The following ADGRB1 variants were observed in gnomAD, a reference collection of about 807,000 sequenced individuals.
ADGRB1 encodes adhesion G protein-coupled receptor B1, also known as brain-specific angiogenesis inhibitor 1.
Under a neutral mutation model 175.7 loss-of-function variants are expected in ADGRB1, and 36 were observed. The ratio of observed to expected loss-of-function variants is 0.20; its 90% CI spans 0.16 to 0.27. The LOEUF is 0.27. Among genes scored for constraint, ADGRB1 ranks in the 10% least tolerant of loss-of-function variants. The pLI, the probability that ADGRB1 is intolerant of heterozygous loss-of-function variation, is 1.00. For missense variants in ADGRB1, 1,731 were observed against 2,255.3 expected, an observed-to-expected ratio of 0.77 and a Z score of 4.71; for synonymous variants, 1,054 against 979.4, an observed-to-expected ratio of 1.08 and a Z score of -1.42.
chr8:142,500,923 G>A (rs190729850), intron 17 of ADGRB1, among the ~76,000 whole-genome samples: 1 of 152,296 alleles, frequency 6.6e-6, no homozygotes, highest in Admixed American at 6.5e-5. Flanking sequence ...ACAGGCAGTG[G>A]TGATGGCGTG....
In ADGRB1 at chr8:142,479,677, C is replaced by A; in HGVS notation, c.1727-16C>A. 2.5e-6 allele frequency: 4 copies of A among 1,610,568 alleles called. No homozygotes were observed. Among genetic ancestry groups the A allele is most frequent in the Non-Finnish European group, 3.4e-6 (4 of 1,177,616 alleles). ...CAGTACCCCTTCCTGAACCCCTGTC[C>A]CGGGCCCCTTGGCAGAGCCCCATGA... is the stretch of plus-strand genomic sequence containing the variant. On this transcript the variant is annotated splice_polypyrimidine_tract_variant and intron_variant, in intron 8 of 30. Transcript: ENST00000517894.
chr8:142,495,058 A>G (rs973536581), intron 17 of ADGRB1, among the ~76,000 whole-genome samples: 3 of 152,194 alleles, frequency 2.0e-5, no homozygotes, highest in Non-Finnish European at 4.4e-5. Context: ...GCCCTGACCC[A>G]GTGAGAATCA....
At chr8:142,465,258 G>A (rs962135402) in intron 2 of ADGRB1, among the ~76,000 whole-genome samples, 1 of 152,196 alleles carries the variant, frequency 6.6e-6, no homozygotes, top group African/African-American at 2.4e-5. Flanking sequence ...AGGTGTGCAG[G>A]GCCAGCCCGG....
chr8:142,461,184 G>A (rs912499403), intron 1 of ADGRB1, among the ~76,000 whole-genome samples: 1 of 152,204 alleles, frequency 6.6e-6, no homozygotes, highest in Non-Finnish European at 1.5e-5. Context: ...GCGGTGACCC[G>A]CAGGCCTGAG....
At chr8:142,508,708 G>A (rs1842947783) in intron 17 of ADGRB1, among the ~76,000 whole-genome samples, 1 of 152,244 alleles carries the variant, frequency 6.6e-6, no homozygotes, top group African/African-American at 2.4e-5. Flanking sequence ...GTGGGCTGAG[G>A]CCCCTGGCAC....
At chr8:142,495,756 G>GTATC (rs1281367817) in intron 17 of ADGRB1, among the ~76,000 whole-genome samples, 1 of 152,106 alleles carries the variant, frequency 6.6e-6, no homozygotes, top group Non-Finnish European at 1.5e-5. Context: ...ACCCAGTGTG[G>GTATC]TATCAGTCAA....
chr8:142,490,812 A>T lies in ADGRB1; in HGVS notation c.2672A>T (p.Asp891Val). The T allele has an allele frequency of 6.3e-7, 1 of 1,582,864 alleles. No individual in the cohort carries two copies. The highest frequency in any genetic ancestry group is 8.6e-7 in the Non-Finnish European group (1 of 1,164,170). The change falls in exon 17 of 31, where the codon GAT (aspartate) becomes GTT (valine). Residue 891 changes from aspartate (D) to valine (V), a missense_variant. Transcript: ENST00000517894. ...ACCTGTATCCTGTGGGATGAGACGGATGTGTAAGTTCACTTGGATTTCATG... is the reference window on the plus strand; with the variant it reads ...ACCTGTATCCTGTGGGATGAGACGGTTGTGTAAGTTCACTTGGATTTCATG... ...NQTCILWDET[D>V]VPSSSAPPQL...
intron 24 of ADGRB1, among the ~76,000 whole-genome samples, chr8:142,529,073 G>T (rs1040137173): frequency 1.3e-5 from 2 of 152,380 alleles, no homozygotes; most frequent in African/African-American, 4.8e-5. Flanking sequence ...CTGGGCAGGG[G>T]TCTGCACCCA....
intron 21 of ADGRB1, 29 bp downstream of exon 21, chr8:142,522,144 G>A: frequency 6.3e-7 from 1 of 1,597,238 alleles, no homozygotes; most frequent in South Asian, 1.1e-5. Flanking sequence ...GACCCTCCTG[G>A]ACAGATACCC....
intron 1 of ADGRB1, among the ~76,000 whole-genome samples, chr8:142,451,402 G>GC (rs933104376): frequency 2.0e-5 from 3 of 152,170 alleles, no homozygotes; most frequent in Non-Finnish European, 4.4e-5. Flanking sequence ...GACCCGAAGA[G>GC]CCCTAAGCCA....
At chr8:142,523,516 G>A (rs1307990581) in intron 22 of ADGRB1, among the ~76,000 whole-genome samples, 1 of 152,040 alleles carries the variant, frequency 6.6e-6, no homozygotes, top group Non-Finnish European at 1.5e-5. Context: ...TGAGGGCCCA[G>A]GGGGTGAGTG....
chr8:142,509,494 C>T (rs948451278), intron 17 of ADGRB1, among the ~76,000 whole-genome samples: 23 of 152,238 alleles, frequency 1.5e-4, no homozygotes, highest in African/African-American at 4.3e-4. Context: ...CTGGAGAGAG[C>T]GCCAGCCACA....
chr8:142,461,614 G>T (rs1052152928), intron 1 of ADGRB1, among the ~76,000 whole-genome samples: 3 of 152,222 alleles, frequency 2.0e-5, no homozygotes, highest in Admixed American at 6.5e-5. Context: ...GGCACCGCAG[G>T]CCCCTAGAAC....
rs1349089120 is a variant in ADGRB1 at position 142,511,669 on chromosome 8, A to T, written c.2817+596A>T. Among the ~76,000 whole-genome samples, 3 of 151,730 alleles carry T rather than the reference A, an allele frequency of 2.0e-5. No homozygotes were observed. Among genetic ancestry groups the T allele is most frequent in the African/African-American group, 7.3e-5 (3 of 41,254 alleles). Reference sequence around the variant, plus strand: ...GTGGGGGCTGCCGGTTTCTATGGAGACGGCATCTGGGGTCAGCCGCTGGCA... The same window carrying T: ...GTGGGGGCTGCCGGTTTCTATGGAGTCGGCATCTGGGGTCAGCCGCTGGCA... On this transcript the variant is annotated intron_variant, in intron 18 of 30. Coordinates refer to ENST00000517894, the MANE Select transcript of ADGRB1 (RefSeq NM_001702.3). This position sits in a 1 kb window ranked among gnomAD's most constrained non-coding sequence, Gnocchi z 4.5.
At chr8:142,454,453 G>A (rs1370286671) in intron 1 of ADGRB1, among the ~76,000 whole-genome samples, 1 of 152,186 alleles carries the variant, frequency 6.6e-6, no homozygotes, top group African/African-American at 2.4e-5. Context: ...GGGTGCACAC[G>A]GCACCCCCGC....
intron 12 of ADGRB1, among the ~76,000 whole-genome samples, chr8:142,484,372 C>T (rs1225256742): frequency 1.3e-5 from 2 of 152,228 alleles, no homozygotes; most frequent in African/African-American, 2.4e-5. Context: ...CCCAGGCTGA[C>T]CTCCAGCCAG....
chr8:142,466,423 G>A (rs1362501264), intron 2 of ADGRB1, among the ~76,000 whole-genome samples: 2 of 152,250 alleles, frequency 1.3e-5, no homozygotes, highest in Non-Finnish European at 2.9e-5. Flanking sequence ...GAGGCCGTGA[G>A]TGGGGCTAGA....
chr8:142,468,209 CGTGTGT>C (rs373888504), intron 2 of ADGRB1, among the ~76,000 whole-genome samples: 4 of 150,066 alleles, frequency 2.7e-5, no homozygotes, highest in Middle Eastern at 3.2e-3. Context: ...AGTGTGGGTG[CGTGTGT>C]GTGTGTGTGT....
intron 23 of ADGRB1, 80 bp from the exon 24 acceptor site, chr8:142,526,462 C>T (rs2132164597): frequency 7.6e-7 from 1 of 1,321,492 alleles, no homozygotes; most frequent in South Asian, 1.3e-5. Context: ...TTGGCGTAGC[C>T]AGCATCGGTC....
Sources: gnomAD v4.1 joint callset for allele counts (sites outside exome capture counted in the v4.1 genomes callset) on GRCh38, gnomAD v4.1.1 for gene constraint, Gnocchi (gnomAD v3.1) non-coding constraint, MANE v1.5 for transcripts, NCBI Gene and HGNC (gene_info 2026-07-23, HGNC 2026-07-21) for gene names.